The following BFSP2 variants were observed in gnomAD, a reference collection of about 807,000 sequenced individuals.
The protein encoded by BFSP2 is beaded filament structural protein 2.
BFSP2 carries 38 observed loss-of-function variants against 44.9 expected under a neutral mutation model. That is an observed-to-expected ratio of 0.85 (90% CI 0.65 to 1.11). The LOEUF is 1.11. Ranked by LOEUF, BFSP2 falls within the 50% of genes least tolerant of loss-of-function variation. The probability of loss-of-function intolerance (pLI) is 0.00; values close to 1 mark genes in which losing one functional copy is unlikely to be tolerated. For missense variants in BFSP2, 525 were observed against 533.0 expected (o/e 0.99, Z 0.15); for synonymous variants, 197 against 209.9 (o/e 0.94, Z 0.53).
At chr3:133,405,201 G>C (rs2073394394) in intron 1 of BFSP2, among the ~76,000 whole-genome samples, 1 of 152,192 alleles carries the variant, frequency 6.6e-6, no homozygotes, top group Non-Finnish European at 1.5e-5. Flanking sequence ...GGAAGAAAGG[G>C]GAGCGCAGAG....
At chr3:133,418,060 A>C (rs1378653004) in intron 1 of BFSP2, among the ~76,000 whole-genome samples, 56 of 63,058 alleles carry the variant, frequency 8.9e-4, no homozygotes, top group Non-Finnish European at 1.1e-3. Flanking sequence ...TCTCCCCTCT[A>C]CTCACCCCTC....
intron 1 of BFSP2, among the ~76,000 whole-genome samples, chr3:133,430,852 C>T (rs1408547140): frequency 6.6e-6 from 1 of 152,136 alleles, no homozygotes; most frequent in Non-Finnish European, 1.5e-5. Context: ...TCAGCCTCCG[C>T]TCCTCCACCC....
At chr3:133,435,680 ATTC>A in intron 1 of BFSP2, among the ~76,000 whole-genome samples, 1 of 152,242 alleles carries the variant, frequency 6.6e-6, no homozygotes, top group East Asian at 1.9e-4. Context: ...GGTGTCAGCT[ATTC>A]TTTCTGCGAT....
At chr3:133,465,884 G>A (rs563683604) in intron 4 of BFSP2, among the ~76,000 whole-genome samples, 1 of 152,184 alleles carries the variant, frequency 6.6e-6, no homozygotes, top group Non-Finnish European at 1.5e-5. Context: ...GAAAAATAAG[G>A]GATCAAAGCT....
chr3:133,413,195 G>C (rs1576559549), intron 1 of BFSP2, among the ~76,000 whole-genome samples: 2 of 152,042 alleles, frequency 1.3e-5, no homozygotes, highest in African/African-American at 4.8e-5. Flanking sequence ...ATAAATAAAA[G>C]TCCTGTCAGT....
chr3:133,429,929 C>G (rs1188887398), intron 1 of BFSP2, among the ~76,000 whole-genome samples: 1 of 149,300 alleles, frequency 6.7e-6, no homozygotes, highest in Admixed American at 6.6e-5. Flanking sequence ...CAACAGTCCC[C>G]GGTGCGTGAT....
chr3:133,426,261 C>G (rs548918697), intron 1 of BFSP2, among the ~76,000 whole-genome samples: 1 of 152,118 alleles, frequency 6.6e-6, no homozygotes, highest in East Asian at 2.0e-4. Context: ...CATCCCCTCA[C>G]CCTCGCAGGC....
chr3:133,433,893 T>A (rs1362413397), intron 1 of BFSP2, among the ~76,000 whole-genome samples: 1 of 152,236 alleles, frequency 6.6e-6, no homozygotes, highest in Non-Finnish European at 1.5e-5. Context: ...TAAGCTCCCG[T>A]ATAGACGCTC....
chr3:133,422,957 C>T lies in BFSP2; in HGVS notation c.489+22385C>T, dbSNP rs768894521. On this transcript the variant is annotated intron_variant, in intron 1 of 6. Coordinates refer to ENST00000302334, the MANE Select transcript of BFSP2 (RefSeq NM_003571.4). ...GCCTGCCTATACCTGGTACTGAATA[C>T]GTGAGCCTTCTTGCTCCTTCTTGGA... 3.9e-5 allele frequency among the ~76,000 whole-genome samples: 6 copies of T among 152,144 alleles called. No individual in the cohort carries two copies. The East Asian group carries it at 7.7e-4, about 19-fold the overall frequency.
chr3:133,413,545 C>T (rs1025065109), intron 1 of BFSP2, among the ~76,000 whole-genome samples: 1 of 152,084 alleles, frequency 6.6e-6, no homozygotes, highest in African/African-American at 2.4e-5. Context: ...GTCCCCAGCG[C>T]TCTCCCAGAG....
rs146956231 is a variant in BFSP2 at position 133,451,276 on chromosome 3, T to C, written c.891+812T>C. ...TAAAATATCAGGCAGTTATTAGAATTAATGTTTATGAAGCATTTATAAAAT... is the reference window on the plus strand; with the variant it reads ...TAAAATATCAGGCAGTTATTAGAATCAATGTTTATGAAGCATTTATAAAAT... On this transcript the variant is annotated intron_variant, in intron 4 of 6. Transcript: ENST00000302334. Among the ~76,000 whole-genome samples the C allele has an allele frequency of 4.1e-3, 618 of 152,282 alleles. 7 individuals are homozygous for C. Among genetic ancestry groups the C allele is most frequent in the African/African-American group, 0.014 (582 of 41,560 alleles).
At chr3:133,403,822 C>T (rs1438892292) in intron 1 of BFSP2, among the ~76,000 whole-genome samples, 3 of 152,064 alleles carry the variant, frequency 2.0e-5, no homozygotes, top group Admixed American at 1.3e-4. Context: ...GCCTGTCTCA[C>T]CCCCACCCAG....
At chr3:133,452,459 G>A (rs768165785) in intron 4 of BFSP2, among the ~76,000 whole-genome samples, 11 of 151,924 alleles carry the variant, frequency 7.2e-5, no homozygotes, top group Admixed American at 2.6e-4. Context: ...ACTTCCCCTC[G>A]CCCCACCCAA....
intron 1 of BFSP2, chr3:133,429,844 T>C (rs1374872950): frequency 6.6e-6 from 1 of 152,070 alleles, no homozygotes; most frequent in South Asian, 2.1e-4. Flanking sequence ...CATGTTGGTG[T>C]GCTGCACCCA....
At chr3:133,447,421 G>C (rs765134015) in intron 2 of BFSP2, 22 bp downstream of exon 2, 5 of 1,609,414 alleles carry the variant, frequency 3.1e-6, no homozygotes, top group East Asian at 2.2e-5. Flanking sequence ...CAGCAGAGGC[G>C]ACAGTCCCTC....
intron 1 of BFSP2, chr3:133,410,666 C>T (rs969096105): frequency 3.6e-6 from 1 of 277,900 alleles, no homozygotes; most frequent in African/African-American, 2.3e-5. Context: ...AACCTATTGC[C>T]TGTGTGCAGC....
At chr3:133,427,591 G>A (rs1360652417) in intron 1 of BFSP2, among the ~76,000 whole-genome samples, 1 of 152,214 alleles carries the variant, frequency 6.6e-6, no homozygotes, top group Non-Finnish European at 1.5e-5. Context: ...CCAGCTTGGG[G>A]TTGGAGAATG....
chr3:133,468,892 C>T (rs1012371393), intron 5 of BFSP2, among the ~76,000 whole-genome samples: 6 of 152,178 alleles, frequency 3.9e-5, no homozygotes, highest in South Asian at 4.1e-4. Context: ...TACCTCATAA[C>T]GTCATTGAGA....
At chr3:133,406,761 T>C (rs773067676) in intron 1 of BFSP2, among the ~76,000 whole-genome samples, 2 of 152,024 alleles carry the variant, frequency 1.3e-5, no homozygotes, top group South Asian at 4.2e-4. Context: ...CAGTAGTCAA[T>C]ATGATTAGAC....
Sources: gnomAD v4.1 joint callset for allele counts (sites outside exome capture counted in the v4.1 genomes callset) on GRCh38, gnomAD v4.1.1 for gene constraint, MANE v1.5 for transcripts, NCBI Gene and HGNC (gene_info 2026-07-23, HGNC 2026-07-21) for gene names.